Variants in SERINC5 observed in about 807,000 individuals in gnomAD.
SERINC5 encodes chromosome 5 open reading frame 12.
In SERINC5, 41 loss-of-function variants were observed where a neutral mutation model predicts 63.1. That is an observed-to-expected ratio of 0.65 (90% CI 0.51 to 0.84). The LOEUF is 0.84. Ranked by LOEUF, SERINC5 falls within the 40% of genes least tolerant of loss-of-function variation. The pLI is 0.00. For synonymous variants in SERINC5, 222 were observed against 215.2 expected (o/e 1.03, Z -0.28); for missense variants, 523 against 573.0 (o/e 0.91, Z 0.89).
At chr5:80,184,123 T>C (rs1748650538) in intron 2 of SERINC5, among the ~76,000 whole-genome samples, 1 of 151,972 alleles carries the variant, frequency 6.6e-6, no homozygotes, top group Non-Finnish European at 1.5e-5. Context: ...GAGGAGGTAA[T>C]ATTGCTTTGA....
chr5:80,134,489 A>T (rs937682956), downstream of SERINC5, among the ~76,000 whole-genome samples: 1 of 152,130 alleles, frequency 6.6e-6, no homozygotes, highest in Non-Finnish European at 1.5e-5. Context: ...CTGTCTCAAA[A>T]CAAAACAAAA....
chr5:80,167,835 C>T (rs887457090), intron 6 of SERINC5, among the ~76,000 whole-genome samples: 2 of 152,114 alleles, frequency 1.3e-5, no homozygotes, highest in Non-Finnish European at 2.9e-5. Flanking sequence ...GCGAAATTTT[C>T]GACCACTTGC....
At position 80,175,761 on chromosome 5, in the gene SERINC5, G is replaced by A. The variant is rs1178659346; in HGVS notation, c.458-714C>T. Among the ~76,000 whole-genome samples the A allele has an allele frequency of 2.0e-5, 3 of 151,038 alleles. No individual in the cohort carries two copies. In the East Asian group the frequency reaches 5.8e-4, roughly 29 times the overall value. On this transcript the variant is annotated intron_variant, in intron 4 of 11. Transcript: ENST00000507668. ...TGCCTGTAATCCCATCTACTCAGGAGGCTGAGGCAGGAGAATCACTTGAAC... is the reference window on the plus strand; with the variant it reads ...TGCCTGTAATCCCATCTACTCAGGAAGCTGAGGCAGGAGAATCACTTGAAC...
At chr5:80,155,571 T>C (rs539244384) in intron 8 of SERINC5, among the ~76,000 whole-genome samples, 1 of 63,268 alleles carries the variant, frequency 1.6e-5, no homozygotes, top group South Asian at 6.4e-4. Flanking sequence ...AAACTCCGTC[T>C]CAAAAAAAAA....
intron 5 of SERINC5, among the ~76,000 whole-genome samples, chr5:80,173,329 CT>C (rs1274673509): frequency 6.6e-6 from 1 of 152,152 alleles, no homozygotes; most frequent in Non-Finnish European, 1.5e-5. Context: ...GGTGCAGTGG[CT>C]CACGCCTGTA....
At chr5:80,114,520 G>T in intron 11 of SERINC5, 2 of 202,684 alleles carry the variant, frequency 9.9e-6, no homozygotes, top group South Asian at 5.2e-5. Context: ...TCACCATGGT[G>T]GCACATGCCT....
At chr5:80,120,017 G>A (rs937108455) in intron 11 of SERINC5, among the ~76,000 whole-genome samples, 1 of 152,204 alleles carries the variant, frequency 6.6e-6, no homozygotes, top group Admixed American at 6.5e-5. Flanking sequence ...ATAGCTGTGG[G>A]ACCTTGGGCA....
At chr5:80,228,953 T>C (rs1418273357) in intron 1 of SERINC5, among the ~76,000 whole-genome samples, 2 of 150,008 alleles carry the variant, frequency 1.3e-5, no homozygotes, top group African/African-American at 2.4e-5. Context: ...TACTTAGGCT[T>C]ACAACAAATT....
intron 1 of SERINC5, among the ~76,000 whole-genome samples, chr5:80,211,208 G>A (rs554861431): frequency 7.9e-5 from 12 of 152,214 alleles, no homozygotes; most frequent in Admixed American, 1.3e-4. Context: ...TCAAGCACAC[G>A]TGAGACAAAA....
At chr5:80,134,701 G>A (rs1029997724), downstream of SERINC5, among the ~76,000 whole-genome samples, 2 of 152,130 alleles carry the variant, frequency 1.3e-5, no homozygotes, top group African/African-American at 4.8e-5. Context: ...CAAGTAAAAC[G>A]TGGCCTCTGG....
intron 5 of SERINC5, among the ~76,000 whole-genome samples, chr5:80,170,772 T>G (rs1747599952): frequency 6.6e-6 from 1 of 152,038 alleles, no homozygotes; most frequent in South Asian, 2.1e-4. Context: ...TCCCAGCACT[T>G]TGAGAGGCCG....
At chr5:80,238,967 G>A (rs976378961) in intron 1 of SERINC5, among the ~76,000 whole-genome samples, 4 of 152,176 alleles carry the variant, frequency 2.6e-5, no homozygotes, top group African/African-American at 9.7e-5. Flanking sequence ...GGCCAAGTGT[G>A]TACTGGGCAT....
intron 1 of SERINC5, 196 bp from the exon 2 acceptor site, chr5:80,203,249 T>A (rs946069315): frequency 2.0e-5 from 7 of 357,172 alleles, no homozygotes; most frequent in African/African-American, 1.5e-4. Flanking sequence ...TAAATAAATA[T>A]ATATACACAT....
At chr5:80,238,166 C>G (rs761213138) in intron 1 of SERINC5, among the ~76,000 whole-genome samples, 1 of 151,060 alleles carries the variant, frequency 6.6e-6, no homozygotes, top group Non-Finnish European at 1.5e-5. Flanking sequence ...AACCCTCATT[C>G]CTCCCCGCCC....
At chr5:80,223,429 GTT>G (rs901509043) in intron 1 of SERINC5, among the ~76,000 whole-genome samples, 4 of 151,962 alleles carry the variant, frequency 2.6e-5, no homozygotes, top group African/African-American at 9.7e-5. Context: ...TATTTTTATT[GTT>G]TTGTTTTTTT....
At chr5:80,219,452 G>T (rs1352140549) in intron 1 of SERINC5, among the ~76,000 whole-genome samples, 1 of 152,036 alleles carries the variant, frequency 6.6e-6, no homozygotes, top group Non-Finnish European at 1.5e-5. Context: ...TCCACTTCTA[G>T]CTTGAAGTGG....
rs1750092832 is a variant in SERINC5 at position 80,205,230 on chromosome 5, G to GTC, written c.28-2179_28-2178dup. Among the ~76,000 whole-genome samples the GTC allele has an allele frequency of 3.9e-5, 6 of 152,324 alleles. No individual in the cohort carries two copies. In the South Asian group the frequency reaches 1.2e-3, roughly 32 times the overall value. On this transcript the variant is annotated intron_variant, in intron 1 of 11. Coordinates refer to ENST00000507668, the MANE Select transcript of SERINC5 (RefSeq NM_001174072.3). ...ACTGTAAAAACAGCGACTCACTCAGGTCCTCCTTTCCATTGCACAGAGCTT... is the reference window on the plus strand; with the variant it reads ...ACTGTAAAAACAGCGACTCACTCAGGTCTCCTCCTTTCCATTGCACAGAGCTT...
intron 8 of SERINC5, among the ~76,000 whole-genome samples, chr5:80,153,787 C>T (rs1175084482): frequency 6.6e-6 from 1 of 151,160 alleles, no homozygotes; most frequent in Non-Finnish European, 1.5e-5. Context: ...GCCAGCAGTG[C>T]TCTGCAGTCA....
chr5:80,142,740 C>T lies in SERINC5; in HGVS notation c.*923G>A. On this transcript the variant is annotated 3_prime_UTR_variant, in exon 12 of 12. Coordinates refer to ENST00000507668, the MANE Select transcript of SERINC5 (RefSeq NM_001174072.3). ...GACCTCAACAACTGAAAGAGCAGTG[C>T]ATGCAGCAGGCTTCAACACGAAGCA... The T allele has an allele frequency of 1.0e-6, 1 of 985,452 alleles. No individual in the cohort carries two copies. The allele number at this position is 985,452 out of a possible 1,614,324, so 61.0% of individuals were successfully genotyped here.
Sources: gnomAD v4.1 joint callset for allele counts (sites outside exome capture counted in the v4.1 genomes callset) on GRCh38, gnomAD v4.1.1 for gene constraint, MANE v1.5 for transcripts, NCBI Gene and HGNC (gene_info 2026-07-23, HGNC 2026-07-21) for gene names.